The following ZSWIM5 variants were observed in gnomAD, a reference collection of about 807,000 sequenced individuals.
ZSWIM5 encodes the protein zinc finger SWIM domain-containing protein 5.
Under a neutral mutation model 119.6 loss-of-function variants are expected in ZSWIM5, and 55 were observed. The observed-to-expected ratio is 0.46, with a 90% CI of 0.37 to 0.58. The LOEUF is 0.58. Among genes scored for constraint, ZSWIM5 ranks in the 20% least tolerant of loss-of-function variants. The pLI is 0.00. For missense variants in ZSWIM5, 1,193 were observed against 1,512.8 expected, an observed-to-expected ratio of 0.79 and a Z score of 3.51; for synonymous variants, 537 against 606.9, an observed-to-expected ratio of 0.88 and a Z score of 1.69.
At chr1:45,079,802 A>G (rs1473578218) in intron 2 of ZSWIM5, among the ~76,000 whole-genome samples, 1 of 152,174 alleles carries the variant, frequency 6.6e-6, no homozygotes, top group Admixed American at 6.5e-5. Flanking sequence ...ACTGCTGGTT[A>G]TTCAGGGCCC....
In ZSWIM5 at chr1:45,018,318, C is replaced by T. The variant is rs2148985309; in HGVS notation, c.*136G>A. On this transcript the variant is annotated 3_prime_UTR_variant, in exon 14 of 14. Transcript: ENST00000359600. This position sits in a 1 kb window ranked among gnomAD's most constrained non-coding sequence, Gnocchi z 6.7. ...CGACTAGAGCTGGACTTTCCCCATCCTTAGCCCTGTGGTCCTTTGGCCTCA... is the reference window on the plus strand; with the variant it reads ...CGACTAGAGCTGGACTTTCCCCATCTTTAGCCCTGTGGTCCTTTGGCCTCA... 2 of 1,104,444 alleles carry T rather than the reference C, an allele frequency of 1.8e-6. No homozygotes were observed. Among genetic ancestry groups the T allele is most frequent in the Non-Finnish European group, 2.6e-6 (2 of 782,546 alleles). The allele number at this position is 1,104,444 out of a possible 1,614,324, so 68.4% of individuals were successfully genotyped here.
Position 45,016,429 on chromosome 1 carries a change from C to T in ZSWIM5, c.*2025G>A, listed in dbSNP as rs1644853724. The T allele has an allele frequency of 6.6e-6, 1 of 152,146 alleles. No homozygotes were observed. The highest frequency in any genetic ancestry group is 2.1e-4 in the South Asian group (1 of 4,828). The allele number at this position is 152,146 out of a possible 1,614,324, so 9.4% of individuals were successfully genotyped here. On this transcript the variant is annotated 3_prime_UTR_variant, in exon 14 of 14. Transcript: ENST00000359600. Reference sequence around the variant, plus strand: ...TTAGAAAAATGATCTTTTATGTGATCCATGATTTATTCATAGAAAAGCACT... The same window carrying T: ...TTAGAAAAATGATCTTTTATGTGATTCATGATTTATTCATAGAAAAGCACT...
At chr1:45,161,557 T>C (rs751417169) in intron 1 of ZSWIM5, among the ~76,000 whole-genome samples, 4 of 152,204 alleles carry the variant, frequency 2.6e-5, no homozygotes, top group Non-Finnish European at 5.9e-5. Flanking sequence ...AAGTATACTA[T>C]GGTCTGTCAA....
intron 2 of ZSWIM5, among the ~76,000 whole-genome samples, chr1:45,073,439 A>G (rs546764985): frequency 2.6e-5 from 4 of 150,996 alleles, no homozygotes; most frequent in Non-Finnish European, 4.4e-5. Flanking sequence ...TTGTATTTTT[A>G]GTAGAGGTAG....
At chr1:45,025,708 A>T (rs756091488) in intron 11 of ZSWIM5, among the ~76,000 whole-genome samples, 35 of 152,258 alleles carry the variant, frequency 2.3e-4, no homozygotes, top group Admixed American at 3.3e-4. Flanking sequence ...TCCAGTTTTT[A>T]AAAAAATTGA....
chr1:45,110,741 A>G (rs1645511455), intron 1 of ZSWIM5, among the ~76,000 whole-genome samples: 1 of 152,200 alleles, frequency 6.6e-6, no homozygotes, highest in African/African-American at 2.4e-5. Context: ...AAAATTTAAT[A>G]ATCATTTGAG....
intron 1 of ZSWIM5, among the ~76,000 whole-genome samples, chr1:45,179,243 T>A (rs1359396880): frequency 6.6e-6 from 1 of 152,046 alleles, no homozygotes; most frequent in African/African-American, 2.4e-5. Context: ...ATGAGGTACA[T>A]CCCATGGTAC....
chr1:45,203,884 C>T (rs1470708407), intron 1 of ZSWIM5, among the ~76,000 whole-genome samples: 2 of 152,078 alleles, frequency 1.3e-5, no homozygotes, highest in African/African-American at 4.8e-5. Flanking sequence ...CACCGGTCTT[C>T]GTCTTTGAAA....
Position 45,152,866 on chromosome 1 carries a change from G to GC in ZSWIM5, c.595+52889dup, listed in dbSNP as rs1243347136. Among the ~76,000 whole-genome samples, 3 of 151,742 alleles carry GC rather than the reference G, an allele frequency of 2.0e-5. No individual in the cohort carries two copies. The East Asian group carries it at 5.8e-4, about 29-fold the overall frequency. ...TCTCAATCTACGCATCTGACAAAGG[G>GC]CTAATATCCAGAATCTATAAAGAAC... On this transcript the variant is annotated intron_variant, in intron 1 of 13. Coordinates refer to ENST00000359600, the MANE Select transcript of ZSWIM5 (RefSeq NM_020883.2).
At chr1:45,194,295 CAGACCAAA>C (rs1375551138) in intron 1 of ZSWIM5, among the ~76,000 whole-genome samples, 2 of 152,062 alleles carry the variant, frequency 1.3e-5, no homozygotes, top group Non-Finnish European at 2.9e-5. Context: ...CTGTTGCTCA[CAGACCAAA>C]AGATAATGGA....
At chr1:45,080,586 GATA>G (rs1477058792) in intron 2 of ZSWIM5, among the ~76,000 whole-genome samples, 1 of 152,206 alleles carries the variant, frequency 6.6e-6, no homozygotes, top group Admixed American at 6.5e-5. Context: ...GTTAAAACCA[GATA>G]TTGTGAGTGC....
chr1:45,161,015 C>T lies in ZSWIM5; in HGVS notation c.595+44741G>A, dbSNP rs149252604. Among the ~76,000 whole-genome samples the T allele has an allele frequency of 6.4e-3, 709 of 110,914 alleles. 6 individuals carry two copies. Among genetic ancestry groups the T allele is most frequent in the African/African-American group, 0.022 (618 of 28,046 alleles). The allele number at this position is 110,914 out of a possible 152,430, so 72.8% of individuals were successfully genotyped here. A position where few individuals can be genotyped will look rare whatever the true frequency, so the allele number is the denominator to read the frequency against. On this transcript the variant is annotated intron_variant, in intron 1 of 13. Coordinates refer to ENST00000359600, the MANE Select transcript of ZSWIM5 (RefSeq NM_020883.2). ...TTTTTTTTTTTTTTTTTAGTAGAGA[C>T]GGTGTTTCACCATGTTGGCCAGGCT...
intron 1 of ZSWIM5, among the ~76,000 whole-genome samples, chr1:45,162,790 T>C (rs141668762): frequency 0.046 from 6,972 of 152,290 alleles, 224 homozygotes; most frequent in East Asian, 0.11. Context: ...CCGCCATTGC[T>C]GAGGCTTGAG....
intron 2 of ZSWIM5, among the ~76,000 whole-genome samples, chr1:45,069,579 T>C (rs998536497): frequency 6.6e-6 from 1 of 152,236 alleles, no homozygotes; most frequent in Non-Finnish European, 1.5e-5. Flanking sequence ...TAATTTTTGA[T>C]ACATTTTTCC....
chr1:45,144,774 A>C (rs1327246444), intron 1 of ZSWIM5, among the ~76,000 whole-genome samples: 1 of 152,190 alleles, frequency 6.6e-6, no homozygotes, highest in African/African-American at 2.4e-5. Context: ...GTTTTTATAC[A>C]TGTAACCAAA....
chr1:45,067,452 AAAG>A (rs1239538704), intron 2 of ZSWIM5, among the ~76,000 whole-genome samples: 34 of 5,864 alleles, frequency 5.8e-3, no homozygotes, highest in African/African-American at 0.012. Flanking sequence ...AAAAAAAAAA[AAAG>A]AAAGAAAGAA....
At position 45,116,659 on chromosome 1, in the gene ZSWIM5, G is replaced by GTA. The variant is rs1383656367; in HGVS notation, c.596-28424_596-28423dup. 4.6e-5 allele frequency among the ~76,000 whole-genome samples: 7 copies of GTA among 152,086 alleles called. No homozygotes were observed. In the East Asian group the frequency reaches 1.2e-3, roughly 25 times the overall value. ...GGCAGGAAAAACCAATGGCCAAACA[G>GTA]TATAACCTCCGAAAATGATAAGCAA... On this transcript the variant is annotated intron_variant, in intron 1 of 13. Transcript: ENST00000359600.
At chr1:45,194,745 C>T (rs1374306515) in intron 1 of ZSWIM5, among the ~76,000 whole-genome samples, 2 of 151,780 alleles carry the variant, frequency 1.3e-5, no homozygotes, top group Non-Finnish European at 2.9e-5. Context: ...GGCGTGGTGG[C>T]GGGCATCTGT....
At chr1:45,157,219 T>C (rs887022346) in intron 1 of ZSWIM5, among the ~76,000 whole-genome samples, 1 of 152,182 alleles carries the variant, frequency 6.6e-6, no homozygotes, top group East Asian at 1.9e-4. Flanking sequence ...CTTCCTCTAT[T>C]GCCCAGGCAG....
Sources: gnomAD v4.1 joint callset for allele counts (sites outside exome capture counted in the v4.1 genomes callset) on GRCh38, gnomAD v4.1.1 for gene constraint, Gnocchi (gnomAD v3.1) non-coding constraint, MANE v1.5 for transcripts, NCBI Gene and HGNC (gene_info 2026-07-23, HGNC 2026-07-21) for gene names.